Variants in INPP5A observed in about 807,000 individuals in gnomAD.
The protein encoded by INPP5A is inositol polyphosphate-5-phosphatase A.
Under a neutral mutation model 65.2 loss-of-function variants are expected in INPP5A, and 14 were observed. The ratio of observed to expected loss-of-function variants is 0.21; its 90% CI spans 0.14 to 0.34. The LOEUF (loss-of-function observed/expected upper bound fraction) is 0.34. Among genes scored for constraint, INPP5A ranks in the 10% least tolerant of loss-of-function variants. INPP5A has a pLI of 1.00. For synonymous variants in INPP5A, 207 were observed against 208.3 expected, an observed-to-expected ratio of 0.99 and a Z score of 0.05; for missense variants, 431 against 545.6, an observed-to-expected ratio of 0.79 and a Z score of 2.09.
In INPP5A at chr10:132,673,504, A is replaced by G. The variant is rs186329474; in HGVS notation, c.307-16888A>G. Among the ~76,000 whole-genome samples, 153 of 152,280 alleles carry G rather than the reference A, an allele frequency of 1.0e-3. 1 individual carries two copies. The highest frequency in any genetic ancestry group is 3.6e-3 in the African/African-American group (148 of 41,538). On this transcript the variant is annotated intron_variant, in intron 4 of 15. Coordinates refer to ENST00000368594, the MANE Select transcript of INPP5A (RefSeq NM_005539.5). ...GTATTGCCACCTAGTTGGTGTTGTA[A>G]TTGTGACTTCAAAAGGCCATTCCAC...
intron 8 of INPP5A, among the ~76,000 whole-genome samples, chr10:132,714,852 C>T (rs1845713753): frequency 6.6e-6 from 1 of 152,192 alleles, no homozygotes; most frequent in African/African-American, 2.4e-5. Context: ...CAGATGCGAA[C>T]CTTTACTTTT....
intron 1 of INPP5A, among the ~76,000 whole-genome samples, chr10:132,573,496 G>A (rs1257207870): frequency 4.9e-4 from 49 of 100,070 alleles, no homozygotes; most frequent in South Asian, 7.9e-4. Context: ...GTGAGGTTTT[G>A]TTGAGATGTT....
chr10:132,620,916 C>CA (rs1294261346), intron 2 of INPP5A, among the ~76,000 whole-genome samples: 1 of 152,098 alleles, frequency 6.6e-6, no homozygotes, highest in Non-Finnish European at 1.5e-5. Context: ...AAAATAAAGG[C>CA]AAAAATTATT....
chr10:132,657,344 C>T (rs375532656), intron 4 of INPP5A, among the ~76,000 whole-genome samples: 70 of 152,386 alleles, frequency 4.6e-4, no homozygotes, highest in African/African-American at 1.4e-3. Flanking sequence ...ACTCTGCTCG[C>T]GCCTTGGTGG....
intron 11 of INPP5A, among the ~76,000 whole-genome samples, chr10:132,751,562 C>G (rs1846477604): frequency 6.6e-6 from 1 of 152,242 alleles, no homozygotes; most frequent in Admixed American, 6.5e-5. Context: ...GCATCCCGGC[C>G]TCGTCAGTGG....
intron 1 of INPP5A, among the ~76,000 whole-genome samples, chr10:132,589,760 A>C (rs985622752): frequency 1.3e-5 from 2 of 152,220 alleles, no homozygotes; most frequent in Non-Finnish European, 2.9e-5. Context: ...GACAGACCAG[A>C]GGTGGCCTCG....
At chr10:132,617,941 T>C (rs2072062365) in intron 2 of INPP5A, among the ~76,000 whole-genome samples, 1 of 152,230 alleles carries the variant, frequency 6.6e-6, no homozygotes, top group African/African-American at 2.4e-5. Flanking sequence ...GAAATCTTTC[T>C]ATGTGAATTA....
intron 1 of INPP5A, among the ~76,000 whole-genome samples, chr10:132,572,478 G>T (rs896090419): frequency 6.6e-6 from 1 of 152,162 alleles, no homozygotes; most frequent in Non-Finnish European, 1.5e-5. Flanking sequence ...GGAGGGGGAT[G>T]CTGAGCACGC....
intron 2 of INPP5A, among the ~76,000 whole-genome samples, chr10:132,629,102 G>A (rs1253651801): frequency 6.6e-6 from 1 of 152,224 alleles, no homozygotes; most frequent in Non-Finnish European, 1.5e-5. Context: ...AGCAGCACCT[G>A]GCATTCCCAT....
chr10:132,651,461 G>A lies in INPP5A; in HGVS notation c.306+956G>A. Among the ~76,000 whole-genome samples the A allele has an allele frequency of 1.4e-5, 2 of 143,674 alleles. No individual in the cohort carries two copies. The highest frequency in any genetic ancestry group is 4.2e-4 in the East Asian group (2 of 4,720). The allele number at this position is 143,674 out of a possible 152,430, so 94.3% of individuals were successfully genotyped here. A position where few individuals can be genotyped will look rare whatever the true frequency, so the allele number is the denominator to read the frequency against. On this transcript the variant is annotated intron_variant, in intron 4 of 15. Coordinates refer to ENST00000368594, the MANE Select transcript of INPP5A (RefSeq NM_005539.5). The surrounding 1 kb of genome is among the most constrained non-coding windows in gnomAD (Gnocchi z 5.0). ...CTCTGGGGAGGCCCTGGGTCCCCCG[G>A]CTTGGGTCCATCTCCCCCATCTCTG... is the stretch of plus-strand genomic sequence containing the variant.
rs148502852 is a variant in INPP5A at position 132,776,317 on chromosome 10, G to A, written c.978-1354G>A. ...GAGTGTGGCTCCCGCTGGAGCGCGCGGAGGATGGGAGCTCCTGCGTCAGGG... is the reference window on the plus strand; with the variant it reads ...GAGTGTGGCTCCCGCTGGAGCGCGCAGAGGATGGGAGCTCCTGCGTCAGGG... On this transcript the variant is annotated intron_variant, in intron 12 of 15. Transcript: ENST00000368594. Among the ~76,000 whole-genome samples the A allele has an allele frequency of 5.1e-4, 77 of 152,214 alleles. No homozygotes were observed. In the East Asian group the frequency reaches 0.013, roughly 27 times the overall value.
At chr10:132,750,046 C>A (rs1247001236) in intron 11 of INPP5A, among the ~76,000 whole-genome samples, 1 of 152,244 alleles carries the variant, frequency 6.6e-6, no homozygotes, top group African/African-American at 2.4e-5. Flanking sequence ...GGTGGAGGCT[C>A]CGTATCACTG....
chr10:132,713,148 G>A (rs1845678112), intron 8 of INPP5A, among the ~76,000 whole-genome samples: 1 of 151,594 alleles, frequency 6.6e-6, no homozygotes, highest in Non-Finnish European at 1.5e-5. Flanking sequence ...TGGAGTGCAT[G>A]TGTATGTGTG....
At chr10:132,760,550 G>A (rs550963856) in intron 11 of INPP5A, among the ~76,000 whole-genome samples, 2 of 152,354 alleles carry the variant, frequency 1.3e-5, no homozygotes, top group South Asian at 2.1e-4. Context: ...ATGCTGATCC[G>A]GGACAACTTC....
At chr10:132,781,809 C>T in intron 14 of INPP5A, 52 bp from the exon 15 acceptor site, 4 of 1,450,058 alleles carry the variant, frequency 2.8e-6, no homozygotes, top group Non-Finnish European at 3.9e-6. Context: ...GCGGCATGTG[C>T]TGTGCTGTCC....
At chr10:132,544,395 C>T (rs1027812400) in intron 1 of INPP5A, among the ~76,000 whole-genome samples, 1 of 152,194 alleles carries the variant, frequency 6.6e-6, no homozygotes, top group Non-Finnish European at 1.5e-5. Context: ...GGTGCCCTCC[C>T]TGCCCCGGTG....
chr10:132,596,953 A>ATGTGCGCGTGTGTG (rs1564929079), intron 1 of INPP5A, among the ~76,000 whole-genome samples: 8 of 118,276 alleles, frequency 6.8e-5, no homozygotes, highest in African/African-American at 2.9e-4. Flanking sequence ...GCGTGTGTGC[A>ATGTGCGCGTGTGTG]CACATGTGTG....
chr10:132,583,851 G>C (rs1017100784), intron 1 of INPP5A, among the ~76,000 whole-genome samples: 3 of 152,180 alleles, frequency 2.0e-5, no homozygotes, highest in Non-Finnish European at 4.4e-5. Context: ...GGAGGCCAAG[G>C]GGGGCGGATA....
intron 11 of INPP5A, among the ~76,000 whole-genome samples, chr10:132,765,275 G>A (rs1846822529): frequency 6.6e-6 from 1 of 152,224 alleles, no homozygotes. Context: ...TCCCGTGCAT[G>A]TGAGAATGAA....
Sources: gnomAD v4.1 joint callset for allele counts (sites outside exome capture counted in the v4.1 genomes callset) on GRCh38, gnomAD v4.1.1 for gene constraint, Gnocchi (gnomAD v3.1) non-coding constraint, MANE v1.5 for transcripts, NCBI Gene and HGNC (gene_info 2026-07-23, HGNC 2026-07-21) for gene names.